Variants in CLN8 observed in about 807,000 individuals in gnomAD.
CLN8 encodes the protein protein CLN8.
CLN8 carries 14 observed loss-of-function variants against 15.7 expected under a neutral mutation model. That is an observed-to-expected ratio of 0.89 (90% CI 0.59 to 1.39). The LOEUF (loss-of-function observed/expected upper bound fraction) is 1.39. Ranked by LOEUF, CLN8 falls within the 40% of genes most tolerant of loss-of-function variation. The probability of loss-of-function intolerance (pLI) is 0.00; values close to 1 mark genes in which losing one functional copy is unlikely to be tolerated. For synonymous variants in CLN8, 188 were observed against 151.0 expected, an observed-to-expected ratio of 1.25 and a Z score of -1.80; for missense variants, 415 against 364.0, an observed-to-expected ratio of 1.14 and a Z score of -1.14.
chr8:1,762,798 C>G (rs764764467), upstream of CLN8: 1 of 152,280 alleles, frequency 6.6e-6, no homozygotes, highest in South Asian at 2.1e-4. Context: ...CATTAGCCCC[C>G]GAGGCCTCCC....
At chr8:1,770,753 AT>A in intron 1 of CLN8, among the ~76,000 whole-genome samples, 178 bp from the exon 2 acceptor site, 1 of 151,918 alleles carries the variant, frequency 6.6e-6, no homozygotes, top group Admixed American at 6.6e-5. Context: ...CTTTAGTTTC[AT>A]TTTCTTTCCT....
chr8:1,777,445 C>A (rs1420231011), intron 2 of CLN8, among the ~76,000 whole-genome samples: 2 of 152,068 alleles, frequency 1.3e-5, no homozygotes, highest in South Asian at 2.1e-4. Context: ...AAAAAAATTT[C>A]TTTAATCATA....
intron 2 of CLN8, among the ~76,000 whole-genome samples, chr8:1,772,666 G>A (rs1395303922): frequency 6.6e-6 from 1 of 152,034 alleles, no homozygotes; most frequent in Non-Finnish European, 1.5e-5. Flanking sequence ...TTTTAGTAGA[G>A]ACGGAGTTTC....
At chr8:1,767,067 G>T (rs1801092334) in intron 1 of CLN8, among the ~76,000 whole-genome samples, 2 of 152,204 alleles carry the variant, frequency 1.3e-5, no homozygotes. Flanking sequence ...GCTGGATCCT[G>T]CCTCTGGGAC....
upstream of CLN8, chr8:1,763,282 C>G (rs556442190): frequency 6.6e-6 from 1 of 151,486 alleles, no homozygotes; most frequent in African/African-American, 2.4e-5. Flanking sequence ...CCAGGCTGCC[C>G]GCGGAGCCCC....
At chr8:1,762,731 T>C (rs1800830445), upstream of CLN8, 1 of 152,194 alleles carries the variant, frequency 6.6e-6, no homozygotes, top group Non-Finnish European at 1.5e-5. Context: ...GGCAGTTATC[T>C]TCATAGTACA....
chr8:1,753,709 C>A (rs555798777), upstream of CLN8, among the ~76,000 whole-genome samples: 177 of 150,824 alleles, frequency 1.2e-3, 1 homozygote, highest in African/African-American at 4.1e-3. Flanking sequence ...CATGGTGAAA[C>A]CCCGTCTCTA....
chr8:1,758,809 A>G (rs965846702), upstream of CLN8: 2 of 152,160 alleles, frequency 1.3e-5, no homozygotes, highest in African/African-American at 4.8e-5. Context: ...GGTTACGATA[A>G]AGGTTGTGGA....
chr8:1,763,738 G>A (rs1022890787), upstream of CLN8: 1 of 144,764 alleles, frequency 6.9e-6, no homozygotes, highest in Admixed American at 6.8e-5. Flanking sequence ...GGCAGAACGC[G>A]TGCGCACGCG....
At chr8:1,753,076 G>C (rs1326777986), upstream of CLN8, among the ~76,000 whole-genome samples, 1 of 152,184 alleles carries the variant, frequency 6.6e-6, no homozygotes, top group South Asian at 2.1e-4. Flanking sequence ...ATCTTCCTCT[G>C]AGTTAGACGG....
At chr8:1,762,494 C>A (rs1313790633), upstream of CLN8, 1 of 152,226 alleles carries the variant, frequency 6.6e-6, no homozygotes, top group African/African-American at 2.4e-5. Flanking sequence ...GTTCTCTGGC[C>A]TCCAGGGAGG....
intron 1 of CLN8, among the ~76,000 whole-genome samples, chr8:1,769,218 G>C (rs1801202581): frequency 6.6e-6 from 1 of 152,206 alleles, no homozygotes; most frequent in Non-Finnish European, 1.5e-5. Flanking sequence ...GGAGTGATCA[G>C]TGCTCCCTTG....
rs2130992069 is a variant in CLN8, at chr8:1,771,433, A to G, written c.379A>G (p.Ile127Val). The change falls in exon 2 of 3, where the codon ATC becomes GTC. Residue 127 changes from isoleucine to valine, a missense_variant. Ile to Val is a conservative substitution (Grantham distance 29, BLOSUM62 3). Transcript: ENST00000331222. The stretch of plus-strand genomic sequence containing the variant: ...TGTTGCAGTCCACCTGTCCAACTTG[A>G]TCTTCCGGACATTTGACTTGTTTCT... ...ENVAVHLSNLIFRTFDLFLVI... is the reference protein window; with the variant it reads ...ENVAVHLSNLVFRTFDLFLVI... The G allele has an allele frequency of 6.2e-7, 1 of 1,614,138 alleles. No homozygotes were observed. The highest frequency in any genetic ancestry group is 8.5e-7 in the Non-Finnish European group (1 of 1,180,030).
In CLN8 at chr8:1,770,903, C is replaced by A; in HGVS notation, c.-123-29C>A. 3 of 716,312 alleles carry A rather than the reference C, an allele frequency of 4.2e-6. No homozygotes were observed. In the South Asian group the frequency reaches 4.7e-5, roughly 11 times the overall value. 44.4% of individuals were successfully genotyped at this position (716,312 alleles called of 1,614,324 possible). Reference sequence around the variant, plus strand: ...TGATGTGTCCTTGTTTCTATCGAGTCAACACAAAATGAATGATCTTTCTTT... The same window carrying A: ...TGATGTGTCCTTGTTTCTATCGAGTAAACACAAAATGAATGATCTTTCTTT... On this transcript the variant is annotated intron_variant, in intron 1 of 2. Transcript: ENST00000331222.
rs1801757185 is a variant in CLN8 at position 1,783,484 on chromosome 8, C to G, written c.*2917C>G. 6.6e-6 allele frequency: 1 copy of G among 152,246 alleles called. No homozygotes were observed. Among genetic ancestry groups the G allele is most frequent in the African/African-American group, 2.4e-5 (1 of 41,464 alleles). 9.4% of individuals were successfully genotyped at this position (152,246 alleles called of 1,614,324 possible). A position where few individuals can be genotyped will look rare whatever the true frequency, so the allele number is the denominator to read the frequency against. On this transcript the variant is annotated 3_prime_UTR_variant, in exon 3 of 3. Coordinates refer to ENST00000331222, the MANE Select transcript of CLN8 (RefSeq NM_018941.4). ...TTCAGTGTGATCACTTGTCAGTGCG[C>G]TTTCTCTTTCGATAGTGAAATCCTT...
exon 1 of CLN8, chr8:1,756,019 C>G (rs913595296): frequency 6.6e-6 from 1 of 152,164 alleles, no homozygotes; most frequent in Non-Finnish European, 1.5e-5. Context: ...GTTTCACATC[C>G]TTGTCTGTGA....
chr8:1,783,737 G>A lies in CLN8; in HGVS notation c.*3170G>A, dbSNP rs893055103. 1.3e-5 allele frequency: 2 copies of A among 152,192 alleles called. No homozygotes were observed. Among genetic ancestry groups the A allele is most frequent in the African/African-American group, 4.8e-5 (2 of 41,442 alleles). The allele number at this position is 152,192 out of a possible 1,614,324, so 9.4% of individuals were successfully genotyped here. ...ACCAGGTATTGCGCTTAAGGGACATGATTTTCCATTTTCTTCGCCCGGACA... is the reference window on the plus strand; with the variant it reads ...ACCAGGTATTGCGCTTAAGGGACATAATTTTCCATTTTCTTCGCCCGGACA... On this transcript the variant is annotated 3_prime_UTR_variant, in exon 3 of 3. Transcript: ENST00000331222.
At chr8:1,778,723 C>G (rs1801608015) in intron 2 of CLN8, among the ~76,000 whole-genome samples, 1 of 152,226 alleles carries the variant, frequency 6.6e-6, no homozygotes, top group South Asian at 2.1e-4. Flanking sequence ...CCTCTGAGAC[C>G]TGGGAAGGAC....
Position 1,769,098 on chromosome 8 carries a change from G to A in CLN8, c.-123-1834G>A, listed in dbSNP as rs570313257. 1.2e-4 allele frequency among the ~76,000 whole-genome samples: 18 copies of A among 152,290 alleles called. No homozygotes were observed. In the East Asian group the frequency reaches 3.1e-3, roughly 26 times the overall value. On this transcript the variant is annotated intron_variant, in intron 1 of 2. Coordinates refer to ENST00000331222, the MANE Select transcript of CLN8 (RefSeq NM_018941.4). ...TGCTGTCTTTCCCCACATCAGATTT[G>A]TGTTCAAACAGAGCTAGTCTGTGTT...
Sources: allele counts gnomAD v4.1 joint callset (sites outside exome capture counted in the v4.1 genomes callset), GRCh38; gene constraint gnomAD v4.1.1; transcripts MANE v1.5; gene names NCBI Gene and HGNC (gene_info 2026-07-23, HGNC 2026-07-21).